PCDH15: variants seen among roughly 807,000 people sequenced by gnomAD.
PCDH15 encodes protocadherin-15.
A neutral mutation model predicts 178.5 loss-of-function variants in PCDH15; 129 were observed. The observed-to-expected ratio is 0.72, with a 90% CI of 0.63 to 0.84. The LOEUF is 0.84. Ranked by LOEUF, PCDH15 falls within the 40% of genes least tolerant of loss-of-function variation. The probability of loss-of-function intolerance (pLI) is 0.00; values close to 1 mark genes in which losing one functional copy is unlikely to be tolerated. For synonymous variants in PCDH15, 800 were observed against 732.0 expected, an observed-to-expected ratio of 1.09 and a Z score of -1.50; for missense variants, 2,230 against 2,099.9, an observed-to-expected ratio of 1.06 and a Z score of -1.21.
At chr10:55,142,877 A>T (rs1393452786) in intron 2 of PCDH15, among the ~76,000 whole-genome samples, 1 of 151,974 alleles carries the variant, frequency 6.6e-6, no homozygotes, top group Non-Finnish European at 1.5e-5. Flanking sequence ...AATGAGAAGG[A>T]ATAAATGCAA....
At chr10:54,088,186 C>T (rs1200925959) in intron 16 of PCDH15, among the ~76,000 whole-genome samples, 1 of 152,150 alleles carries the variant, frequency 6.6e-6, no homozygotes, top group African/African-American at 2.4e-5. Flanking sequence ...ACGCAGATTT[C>T]AGTATCTCCA....
At chr10:54,758,636 G>T (rs1216381018) in intron 1 of PCDH15, among the ~76,000 whole-genome samples, 8 of 151,916 alleles carry the variant, frequency 5.3e-5, no homozygotes, top group Admixed American at 3.9e-4. Flanking sequence ...TTAAATAAAG[G>T]CAATGAAACC....
At chr10:55,344,179 G>A (rs1844679352) in intron 2 of PCDH15, among the ~76,000 whole-genome samples, 1 of 152,118 alleles carries the variant, frequency 6.6e-6, no homozygotes, top group Admixed American at 6.6e-5. Context: ...GGAATATTAA[G>A]AAGTCCACTG....
chr10:54,080,564 T>C (rs972154481), intron 16 of PCDH15, among the ~76,000 whole-genome samples: 8 of 152,204 alleles, frequency 5.3e-5, no homozygotes, highest in Admixed American at 5.2e-4. Context: ...AGTGCTTTTA[T>C]TGTAAAGAAA....
rs571648212 is a variant in PCDH15, at chr10:55,058,066, G to C, written c.-80+108510C>G. 2.0e-4 allele frequency among the ~76,000 whole-genome samples: 31 copies of C among 151,924 alleles called. No homozygotes were observed. In the South Asian group the frequency reaches 6.2e-3, roughly 31 times the overall value. On this transcript the variant is annotated intron_variant, in intron 2 of 5. Transcript: ENST00000458638. Reference sequence around the variant, plus strand: ...ACATTTCATATTTTAACTCATTCAAGTGTCTTAATAATTATGAAAGGTATT... The same window carrying C: ...ACATTTCATATTTTAACTCATTCAACTGTCTTAATAATTATGAAAGGTATT...
chr10:55,373,151 A>G lies in PCDH15; in HGVS notation c.-155-206500T>C, dbSNP rs187505998. Among the ~76,000 whole-genome samples, 342 of 152,264 alleles carry G rather than the reference A, an allele frequency of 2.2e-3. 4 individuals carry two copies. Among genetic ancestry groups the G allele is most frequent in the African/African-American group, 7.4e-3 (309 of 41,572 alleles). ...AATAACTATGTTGAAAATTCTAAAG[A>G]AGCAGCAGAAGTAAATTTATGCTAT... On this transcript the variant is annotated intron_variant, in intron 2 of 5. Coordinates refer to the PCDH15 transcript ENST00000613346.
chr10:53,961,764 T>C lies in PCDH15; in HGVS notation c.2997A>G (p.Thr999=), dbSNP rs956006330. 1 of 1,606,442 alleles carries C rather than the reference T, an allele frequency of 6.2e-7. No homozygotes were observed. Among genetic ancestry groups the C allele is most frequent in the Non-Finnish European group, 8.5e-7 (1 of 1,176,006 alleles). ...AAGAGACACTGACCTTAAAAATTGTTGTAGGTTCTTCATTAAGATTGACTC... is the reference window on the plus strand; with the variant it reads ...AAGAGACACTGACCTTAAAAATTGTCGTAGGTTCTTCATTAAGATTGACTC... The part of the protein sequence containing the change: ...ITRVNLNEEP[T]TIFKLVVVAF... Residue 999 remains threonine (T), a synonymous_variant, in exon 22 of 38, where the codon ACA becomes ACG. Coordinates refer to ENST00000644397, the MANE Select transcript of PCDH15 (RefSeq NM_001384140.1).
chr10:55,102,734 C>G (rs1028163516), intron 2 of PCDH15, among the ~76,000 whole-genome samples: 1 of 151,862 alleles, frequency 6.6e-6, no homozygotes, highest in Non-Finnish European at 1.5e-5. Flanking sequence ...TTTTGGCTCC[C>G]CCAAAATATA....
intron 25 of PCDH15, among the ~76,000 whole-genome samples, chr10:53,924,584 G>A (rs964931074): frequency 2.0e-5 from 3 of 152,248 alleles, no homozygotes; most frequent in Non-Finnish European, 4.4e-5. Context: ...CCGGACTGGC[G>A]GGCAGCTCCG....
chr10:54,859,139 G>T (rs1323762103), intron 3 of PCDH15, among the ~76,000 whole-genome samples: 2 of 151,972 alleles, frequency 1.3e-5, no homozygotes, highest in South Asian at 4.2e-4. Flanking sequence ...GCTTTTTATG[G>T]CTCTCCCTTG....
At chr10:54,599,587 A>C (rs146603933) in intron 2 of PCDH15, 4 of 306,782 alleles carry the variant, frequency 1.3e-5, no homozygotes, top group African/African-American at 8.9e-5. Context: ...TATTCTGAAC[A>C]TAAGATCTGA....
At chr10:54,374,477 C>T (rs12764841) in intron 4 of PCDH15, among the ~76,000 whole-genome samples, 6,290 of 152,062 alleles carry the variant, frequency 0.041, 166 homozygotes, top group Admixed American at 0.093. Flanking sequence ...ATTGTCATGA[C>T]CATTATTATC....
chr10:55,183,314 G>T (rs745692789), intron 1 of PCDH15, among the ~76,000 whole-genome samples: 7 of 151,918 alleles, frequency 4.6e-5, no homozygotes, highest in Non-Finnish European at 1.0e-4. Context: ...TAAAAACATA[G>T]TAGCAATTTC....
intron 4 of PCDH15, among the ~76,000 whole-genome samples, chr10:54,372,244 T>A (rs947719498): frequency 6.6e-6 from 1 of 151,832 alleles, no homozygotes; most frequent in African/African-American, 2.4e-5. Context: ...TAATTCTACT[T>A]GGAGTGGTAC....
chr10:53,995,432 G>GA (rs2091781614), intron 21 of PCDH15: 1 of 750,076 alleles, frequency 1.3e-6, no homozygotes, highest in Non-Finnish European at 2.1e-6. Flanking sequence ...GTGCATTCTA[G>GA]AAAAACAAAA....
At chr10:54,294,681 A>C (rs1315404750) in intron 8 of PCDH15, among the ~76,000 whole-genome samples, 1 of 143,852 alleles carries the variant, frequency 7.0e-6, no homozygotes, top group Non-Finnish European at 1.5e-5. Context: ...AATCACACAC[A>C]CACAGACACA....
At chr10:54,561,088 T>C (rs778902727) in intron 2 of PCDH15, among the ~76,000 whole-genome samples, 31 of 152,112 alleles carry the variant, frequency 2.0e-4, no homozygotes, top group Non-Finnish European at 3.4e-4. Flanking sequence ...AAAATAACTT[T>C]TAAAAATAAG....
At chr10:54,651,054 T>C (rs2094248492) in intron 2 of PCDH15, among the ~76,000 whole-genome samples, 4 of 151,816 alleles carry the variant, frequency 2.6e-5, no homozygotes, top group Non-Finnish European at 1.5e-5. Flanking sequence ...GAATAACTTC[T>C]AGGAAGGAGG....
chr10:54,585,665 G>A (rs2026412), intron 2 of PCDH15: 125,489 of 157,708 alleles, frequency 0.8, 50,153 homozygotes, highest in Middle Eastern at 0.84. Context: ...TGAGGACTGT[G>A]CAATTACTAG....
Sources: gnomAD v4.1 joint callset for allele counts (sites outside exome capture counted in the v4.1 genomes callset) on GRCh38, gnomAD v4.1.1 for gene constraint, MANE v1.5 for transcripts, NCBI Gene and HGNC (gene_info 2026-07-23, HGNC 2026-07-21) for gene names.